Variants in CYP2A6 observed in about 807,000 individuals in gnomAD.
CYP2A6 encodes the protein cytochrome P450 2A6.
Under a neutral mutation model 42.3 loss-of-function variants are expected in CYP2A6, and 27 were observed. The ratio of observed to expected loss-of-function variants is 0.64; its 90% CI spans 0.47 to 0.88. The LOEUF is 0.88. Among genes scored for constraint, CYP2A6 ranks in the 40% least tolerant of loss-of-function variants. CYP2A6 has a pLI of 0.00. For missense variants in CYP2A6, 628 were observed against 646.0 expected (o/e 0.97, Z 0.30); for synonymous variants, 238 against 246.3 (o/e 0.97, Z 0.31).
chr19:40,849,262 C>T (rs1226465361), intron 2 of CYP2A6, among the ~76,000 whole-genome samples: 2 of 150,188 alleles, frequency 1.3e-5, no homozygotes, highest in African/African-American at 4.9e-5. Context: ...ATGGGGAGAT[C>T]TGGGAGGAGG....
chr19:40,848,976 GA>G (rs1359871281), intron 2 of CYP2A6, among the ~76,000 whole-genome samples: 424 of 89,130 alleles, frequency 4.8e-3, no homozygotes, highest in African/African-American at 0.018. Context: ...GAGAGAGAGA[GA>G]AGAGAGAGAG....
At position 40,848,241 on chromosome 19, in the gene CYP2A6, A is replaced by G; in HGVS notation, c.632T>C (p.Phe211Ser). ...TACCTGCCCCGTGGAGGTTGACGTG[A>G]ACTGGAAGATTCCTAGCATCATGCG... ...LLRMMLGIFQ[F>S]TSTSTGQLYE... The change falls in exon 4 of 9, where the codon TTC becomes TCC. Residue 211 changes from phenylalanine to serine, a missense_variant. By Grantham distance (155) the Phe-to-Ser change is radical. This residue lies in a region of CYP2A6 where 606 missense variants were observed against 568.1 expected (regional missense o/e 1.07). Transcript: ENST00000301141. 6.2e-7 allele frequency: 1 copy of G among 1,611,758 alleles called. No homozygotes were observed. The highest frequency in any genetic ancestry group is 8.5e-7 in the Non-Finnish European group (1 of 1,179,916).
chr19:40,845,566 G>A (rs1209245018), intron 6 of CYP2A6, 85 bp from the exon 7 acceptor site: 12 of 1,569,628 alleles, frequency 7.6e-6, no homozygotes, highest in Admixed American at 3.5e-5. Context: ...TGGGGTGGAT[G>A]ATATGGCTCC....
intron 4 of CYP2A6, among the ~76,000 whole-genome samples, 194 bp downstream of exon 4, chr19:40,848,025 A>T (rs1159566878): frequency 6.6e-6 from 1 of 151,662 alleles, no homozygotes; most frequent in Admixed American, 6.5e-5. Flanking sequence ...TGAGCTATCC[A>T]GGTGTCCTTG....
chr19:40,845,878 C>G (rs1413268705), intron 6 of CYP2A6, 78 bp downstream of exon 6: 12 of 1,560,204 alleles, frequency 7.7e-6, no homozygotes, highest in Non-Finnish European at 6.9e-6. Flanking sequence ...GGATCTGGGA[C>G]AGGTGGGGAC....
Position 40,846,894 on chromosome 19 carries a change from AAGG to A in CYP2A6, c.809_811del (p.Ser270del), listed in dbSNP as rs1286088619. On this transcript the variant is annotated inframe_deletion, in exon 5 of 9. Coordinates refer to ENST00000301141, the MANE Select transcript of CYP2A6 (RefSeq NM_000762.6). ...GTGTACCTCCTGCATGCGGATGAGA[AAGG>A]AGTCAATGAAGTCCCGTGGGGAATT... is the stretch of plus-strand genomic sequence containing the variant. The A allele has an allele frequency of 6.2e-7, 1 of 1,611,970 alleles. No individual in the cohort carries two copies. The highest frequency in any genetic ancestry group is 8.5e-7 in the Non-Finnish European group (1 of 1,179,938).
chr19:40,846,173 C>T (rs1967097138), intron 5 of CYP2A6, 76 bp from the exon 6 acceptor site: 1 of 1,579,762 alleles, frequency 6.3e-7, no homozygotes, highest in South Asian at 1.1e-5. Flanking sequence ...TCCTTTGGAT[C>T]TACCTCTCTT....
chr19:40,850,097 G>A lies in CYP2A6; in HGVS notation c.181-117C>T. The A allele has an allele frequency of 1.4e-5, 21 of 1,536,582 alleles. 1 individual carries two copies. The South Asian group carries it at 2.5e-4, about 18-fold the overall frequency. On this transcript the variant is annotated intron_variant, in intron 1 of 8. Transcript: ENST00000301141. ...CCCAGGTTCTCACAGTCAGGGAGCT[G>A]GACATCCCAAGATCCTGTCTTTCTG...
chr19:40,848,276 C>G lies in CYP2A6; in HGVS notation c.597G>C (p.Leu199=), dbSNP rs141659852. 1 of 1,611,698 alleles carries G rather than the reference C, an allele frequency of 6.2e-7. No individual in the cohort carries two copies. The highest frequency in any genetic ancestry group is 1.3e-5 in the African/African-American group (1 of 74,530). Residue 199 remains leucine (L), a synonymous_variant, in exon 4 of 9, where the codon CTG becomes CTC. Transcript: ENST00000301141. The part of the protein sequence containing the change: ...DRFDYKDKEF[L]SLLRMMLGIF... The stretch of plus-strand genomic sequence containing the variant: ...TTCCTAGCATCATGCGCAACAGTGA[C>G]AGGAACTCTTTGTCCTTATAGTCAA...
chr19:40,843,791 C>T lies in CYP2A6; in HGVS notation c.*5G>A, dbSNP rs1356799250. On this transcript the variant is annotated 3_prime_UTR_variant, in exon 9 of 9. Coordinates refer to ENST00000301141, the MANE Select transcript of CYP2A6 (RefSeq NM_000762.6). ...CCACCAGACCTGCACCGGCACAGCC[C>T]TCGCTCAGCGGGGCAGGAAGCTCAT... 2 of 1,604,488 alleles carry T rather than the reference C, an allele frequency of 1.2e-6. No homozygotes were observed. The highest frequency in any genetic ancestry group is 1.7e-5 in the Admixed American group (1 of 58,596).
At chr19:40,845,172 T>A (rs767048949) in intron 7 of CYP2A6, 122 bp downstream of exon 7, 19 of 1,279,416 alleles carry the variant, frequency 1.5e-5, no homozygotes, top group Non-Finnish European at 2.1e-5. Context: ...GTTGGGGAAG[T>A]CTTTTTTGAC....
rs568284749 is a variant in CYP2A6, at chr19:40,849,749, G to A, written c.343+69C>T. 159 of 1,595,544 alleles carry A rather than the reference G, an allele frequency of 1.0e-4. 7 individuals carry two copies. The South Asian group carries it at 1.6e-3, about 16-fold the overall frequency. The stretch of plus-strand genomic sequence containing the variant: ...GCCTCCAGTTGGCAGGAGAGTCAGG[G>A]AGAAGGCTGGGAACACTGAGACCTT... On this transcript the variant is annotated intron_variant, in intron 2 of 8. Coordinates refer to ENST00000301141, the MANE Select transcript of CYP2A6 (RefSeq NM_000762.6).
intron 6 of CYP2A6, 107 bp from the exon 7 acceptor site, chr19:40,845,588 G>T: frequency 6.6e-7 from 1 of 1,509,810 alleles, no homozygotes; most frequent in Non-Finnish European, 8.9e-7. Flanking sequence ...CCTATGAGAC[G>T]GAAGTAGAGC....
At position 40,845,962 on chromosome 19, in the gene CYP2A6, C is replaced by T. The variant is rs1303839356; in HGVS notation, c.967G>A (p.Val323Met). 5 of 1,610,966 alleles carry T rather than the reference C, an allele frequency of 3.1e-6. 1 individual carries two copies. The East Asian group carries it at 6.9e-5, about 22-fold the overall frequency. Reference sequence around the variant, plus strand: ...CGTCCCCCTCCAGCCTTACCCTCCACCTCTGGGTGCTTCATGAGCAGCAAG... The same window carrying T: ...CGTCCCCCTCCAGCCTTACCCTCCATCTCTGGGTGCTTCATGAGCAGCAAG... ...GFLLLMKHPE[V>M]EAKVHEEIDR... Residue 323 changes from valine (V) to methionine (M), a missense_variant, in exon 6 of 9, where the codon GTG becomes ATG. Val to Met is a conservative substitution (Grantham distance 21, BLOSUM62 1). Coordinates refer to ENST00000301141, the MANE Select transcript of CYP2A6 (RefSeq NM_000762.6).
rs1476180590 is a variant in CYP2A6 at position 40,843,780 on chromosome 19, C to G, written c.*16G>C. On this transcript the variant is annotated 3_prime_UTR_variant, in exon 9 of 9. Transcript: ENST00000301141. The stretch of plus-strand genomic sequence containing the variant: ...CCTGGCCCCGCCCACCAGACCTGCA[C>G]CGGCACAGCCCTCGCTCAGCGGGGC... 3 of 1,596,680 alleles carry G rather than the reference C, an allele frequency of 1.9e-6. No individual in the cohort carries two copies. The highest frequency in any genetic ancestry group is 1.4e-5 in the African/African-American group (1 of 73,328).
Position 40,846,468 on chromosome 19 carries a change from G to A in CYP2A6, c.832-371C>T, listed in dbSNP as rs561338846. Among the ~76,000 whole-genome samples, 145 of 151,168 alleles carry A rather than the reference G, an allele frequency of 9.6e-4. 2 individuals are homozygous for A. The highest frequency in any genetic ancestry group is 3.4e-3 in the Middle Eastern group (1 of 294). On this transcript the variant is annotated intron_variant, in intron 5 of 8. Coordinates refer to ENST00000301141, the MANE Select transcript of CYP2A6 (RefSeq NM_000762.6). ...CCTGAGTAGCTGGAACTGCACATGC[G>A]CATGACCATGCAGGCTCACTTACTT...
chr19:40,845,004 A>T lies in CYP2A6; in HGVS notation c.1162-232T>A, dbSNP rs750045960. The T allele has an allele frequency of 9.6e-5, 63 of 658,484 alleles. 1 individual carries two copies. The highest frequency in any genetic ancestry group is 1.5e-4 in the Non-Finnish European group (58 of 395,040). 40.8% of individuals were successfully genotyped at this position (658,484 alleles called of 1,614,324 possible). A position where few individuals can be genotyped will look rare whatever the true frequency, so the allele number is the denominator to read the frequency against. ...TCTAGGCAGGAGTTTGGGGGACCTG[A>T]GATTTCTGTCCCTATGACAAAAGGC... On this transcript the variant is annotated intron_variant, in intron 7 of 8. Coordinates refer to ENST00000301141, the MANE Select transcript of CYP2A6 (RefSeq NM_000762.6).
intron 7 of CYP2A6, 58 bp downstream of exon 7, chr19:40,845,235 TG>T (rs1568514040): frequency 1.2e-6 from 2 of 1,600,040 alleles, no homozygotes; most frequent in Admixed American, 1.7e-5. Context: ...GGTGGGATGC[TG>T]GGGACACAGA....
intron 8 of CYP2A6, 130 bp from the exon 9 acceptor site, chr19:40,844,107 G>T: frequency 6.9e-7 from 1 of 1,442,474 alleles, no homozygotes; most frequent in Admixed American, 2.9e-5. Context: ...GAGTTTCAGA[G>T]GAGGCTCTGA....
Sources: gnomAD v4.1 joint callset for allele counts (sites outside exome capture counted in the v4.1 genomes callset) on GRCh38, gnomAD v4.1.1 for gene constraint, gnomAD v4.1.1 regional missense constraint, MANE v1.5 for transcripts, NCBI Gene and HGNC (gene_info 2026-07-23, HGNC 2026-07-21) for gene names.